The following C7orf25 variants were observed in gnomAD, a reference collection of about 807,000 sequenced individuals.
C7orf25 encodes UPF0415 protein C7orf25.
Under a neutral mutation model 25.5 loss-of-function variants are expected in C7orf25, and 14 were observed. That is an observed-to-expected ratio of 0.55 (90% CI 0.36 to 0.86). The LOEUF (loss-of-function observed/expected upper bound fraction) is 0.86. Among genes scored for constraint, C7orf25 ranks in the 40% least tolerant of loss-of-function variants. The pLI is 0.01. For missense variants in C7orf25, 405 were observed against 493.9 expected, an observed-to-expected ratio of 0.82 and a Z score of 1.71; for synonymous variants, 184 against 179.9, an observed-to-expected ratio of 1.02 and a Z score of -0.18.
At chr7:42,911,330 T>A (rs1785890090) in intron 1 of C7orf25, 1 of 1,134,672 alleles carries the variant, frequency 8.8e-7, no homozygotes, top group South Asian at 1.7e-5. Flanking sequence ...ACACACAGAC[T>A]GGCTAGTTAG....
Position 42,909,935 on chromosome 7 carries a change from C to T in C7orf25, c.966G>A (p.Gly322=). The T allele has an allele frequency of 6.2e-7, 1 of 1,614,178 alleles. No individual in the cohort carries two copies. Among genetic ancestry groups the T allele is most frequent in the Non-Finnish European group, 8.5e-7 (1 of 1,180,030 alleles). ...QSILDTLGGP[G]ERERATVLIK... ...TTAACACAGTGGCCCTCTCTCTCTC[C>T]CCAGGTCCTCCTAAGGTATCTAAAA... is the stretch of plus-strand genomic sequence containing the variant. Residue 322 remains glycine (G), a synonymous_variant, in exon 2 of 2, where the codon GGG becomes GGA. Transcript: ENST00000350427.
In C7orf25 at chr7:42,910,071, G is replaced by C; in HGVS notation, c.830C>G (p.Thr277Arg). The C allele has an allele frequency of 6.2e-7, 1 of 1,614,138 alleles. No homozygotes were observed. Among genetic ancestry groups the C allele is most frequent in the Non-Finnish European group, 8.5e-7 (1 of 1,180,040 alleles). Reference protein sequence around the residue: ...CHFIFKEKVLTEQAEQERKEQ... With the variant: ...CHFIFKEKVLREQAEQERKEQ... ...TTTCCTCTCTTGCTCTGCTTGTTCTGTGAGCACTTTCTCTTTGAAAATAAA... is the reference window on the plus strand; with the variant it reads ...TTTCCTCTCTTGCTCTGCTTGTTCTCTGAGCACTTTCTCTTTGAAAATAAA... The change falls in exon 2 of 2, where the codon ACA becomes AGA. Residue 277 changes from threonine to arginine, a missense_variant. By Grantham distance (71) the Thr-to-Arg change is moderately conservative. Coordinates refer to ENST00000350427, the MANE Select transcript of C7orf25 (RefSeq NM_001099858.2).
rs1034245359 is a variant in C7orf25, at chr7:42,909,651, G to A, written c.1250C>T (p.Thr417Ile). Reference protein sequence around the residue: ...LATPLPKDYTTDSEH With the variant: ...LATPLPKDYTIDSEH ...AGGGTATCTTTAGTGTTCACTGTCA[G>A]TTGTGTAGTCTTTTGGTAAGGGGGT... Residue 417 changes from threonine (T) to isoleucine (I), a missense_variant, in exon 2 of 2, where the codon ACT becomes ATT. Physicochemically the swap from Thr to Ile is moderately conservative, Grantham distance 89. Coordinates refer to ENST00000350427, the MANE Select transcript of C7orf25 (RefSeq NM_001099858.2). 6.2e-7 allele frequency: 1 copy of A among 1,612,520 alleles called. No homozygotes were observed. Among genetic ancestry groups the A allele is most frequent in the African/African-American group, 1.3e-5 (1 of 74,926 alleles).
At chr7:42,910,987 T>C in intron 1 of C7orf25, 66 bp from the exon 2 acceptor site, 2 of 1,599,850 alleles carry the variant, frequency 1.3e-6, no homozygotes, top group Admixed American at 1.7e-5. Flanking sequence ...TCTTCACTGG[T>C]GATTAAAAAC....
At position 42,909,537 on chromosome 7, in the gene C7orf25, T is replaced by C. The variant is rs1785830047; in HGVS notation, c.*98A>G. 1.0e-5 allele frequency: 13 copies of C among 1,303,244 alleles called. No homozygotes were observed. The highest frequency in any genetic ancestry group is 1.2e-5 in the Non-Finnish European group (11 of 951,500). The allele number at this position is 1,303,244 out of a possible 1,614,324, so 80.7% of individuals were successfully genotyped here. On this transcript the variant is annotated 3_prime_UTR_variant, in exon 2 of 2. Coordinates refer to ENST00000350427, the MANE Select transcript of C7orf25 (RefSeq NM_001099858.2). Reference sequence around the variant, plus strand: ...CTACTGGTTTAAGAGTTCTCAGTTTTACTTTTACTATAGACCTTTTTTCCC... The same window carrying C: ...CTACTGGTTTAAGAGTTCTCAGTTTCACTTTTACTATAGACCTTTTTTCCC...
Position 42,909,323 on chromosome 7 carries a change from T to C in C7orf25, c.*312A>G, listed in dbSNP as rs1299776653. 1.6e-5 allele frequency: 4 copies of C among 257,798 alleles called. No individual in the cohort carries two copies. The highest frequency in any genetic ancestry group is 2.9e-5 in the Non-Finnish European group (4 of 136,914). 16.0% of individuals were successfully genotyped at this position (257,798 alleles called of 1,614,324 possible). ...CAAGATGCAATGTAGCCATATTCCA[T>C]GAAATGTGGTTAGCAGTAGGGGAGT... On this transcript the variant is annotated 3_prime_UTR_variant, in exon 2 of 2. Coordinates refer to ENST00000350427, the MANE Select transcript of C7orf25 (RefSeq NM_001099858.2).
chr7:42,911,554 TC>T (rs1295333507), intron 1 of C7orf25: 3 of 1,006,942 alleles, frequency 3.0e-6, no homozygotes, highest in Non-Finnish European at 3.6e-6. Context: ...CCAACTTGCG[TC>T]CCACTCCCAC....
rs773015166 is a variant in C7orf25, at chr7:42,909,994, C to G, written c.907G>C (p.Ala303Pro). The G allele has an allele frequency of 2.5e-6, 4 of 1,614,042 alleles. No homozygotes were observed. The highest frequency in any genetic ancestry group is 3.4e-6 in the Non-Finnish European group (4 of 1,180,044). ...AAGTCCTTGACAGCAGATTCACAAG[C>G]AAACAACTCCTTGTCCTTCATAAAG... is the stretch of plus-strand genomic sequence containing the variant. The part of the protein sequence containing the change: ...EAFMKDKELF[A>P]CESAVKDFQS... The change falls in exon 2 of 2, where the codon GCT (alanine) becomes CCT (proline). Residue 303 changes from alanine to proline, a missense_variant. Transcript: ENST00000350427.
At position 42,910,642 on chromosome 7, in the gene C7orf25, T is replaced by C. The variant is rs750279829; in HGVS notation, c.259A>G (p.Ser87Gly). Residue 87 changes from serine to glycine, a missense_variant, in exon 2 of 2, where the codon AGT (serine) becomes GGT (glycine). Ser to Gly is a moderately conservative substitution (Grantham distance 56). Transcript: ENST00000350427. ...GTATAACCAAAGACATGAAGAACAC[T>C]AACAACTTCTTCCAGGTTTTCTGCT... is the stretch of plus-strand genomic sequence containing the variant. ...ESAENLEEVV[S>G]VLHVFGYTDT... 2 of 1,614,150 alleles carry C rather than the reference T, an allele frequency of 1.2e-6. No homozygotes were observed. The highest frequency in any genetic ancestry group is 2.2e-5 in the East Asian group (1 of 44,882).
chr7:42,912,035 CGCGA>C lies in C7orf25; in HGVS notation c.-146_-143del. On this transcript the variant is annotated 5_prime_UTR_variant, in exon 1 of 2. An upstream open reading frame in the 5' UTR gains an earlier in-frame stop. Coordinates refer to ENST00000350427, the MANE Select transcript of C7orf25 (RefSeq NM_001099858.2). ...TCGAACGCCGAGGCGGCTCCACCCG[CGCGA>C]GCCCCGCCGCCTCGGGCACCTCCTG... 12 of 1,470,750 alleles carry C rather than the reference CGCGA, an allele frequency of 8.2e-6. No individual in the cohort carries two copies. The highest frequency in any genetic ancestry group is 1.1e-5 in the Non-Finnish European group (12 of 1,119,268). 91.1% of individuals were successfully genotyped at this position (1,470,750 alleles called of 1,614,324 possible).
intron 1 of C7orf25, 122 bp from the exon 2 acceptor site, chr7:42,911,043 G>T: frequency 6.7e-7 from 1 of 1,485,774 alleles, no homozygotes; most frequent in Non-Finnish European, 9.1e-7. Flanking sequence ...TATGAACCCG[G>T]GCTTGTGTAT....
In C7orf25 at chr7:42,912,036, G is replaced by T; in HGVS notation, c.-143C>A. 2 of 1,469,960 alleles carry T rather than the reference G, an allele frequency of 1.4e-6. No homozygotes were observed. The highest frequency in any genetic ancestry group is 1.3e-5 in the South Asian group (1 of 76,916). 91.1% of individuals were successfully genotyped at this position (1,469,960 alleles called of 1,614,324 possible). A position where few individuals can be genotyped will look rare whatever the true frequency, so the allele number is the denominator to read the frequency against. On this transcript the variant is annotated 5_prime_UTR_variant, in exon 1 of 2. Coordinates refer to ENST00000350427, the MANE Select transcript of C7orf25 (RefSeq NM_001099858.2). The stretch of plus-strand genomic sequence containing the variant: ...CGAACGCCGAGGCGGCTCCACCCGC[G>T]CGAGCCCCGCCGCCTCGGGCACCTC...
chr7:42,911,757 G>A (rs938706369), intron 1 of C7orf25, 158 bp downstream of exon 1: 4 of 1,229,878 alleles, frequency 3.3e-6, no homozygotes, highest in Admixed American at 4.4e-5. Context: ...AGGGGCCGGG[G>A]CCGAAAAGCC....
rs886758573 is a variant in C7orf25 at position 42,911,998 on chromosome 7, C to T, written c.-105G>A. ...CCGCCGGGAAATCTCAACCGGGCAGCCCCCACCCCGCTCGAACGCCGAGGC... is the reference window on the plus strand; with the variant it reads ...CCGCCGGGAAATCTCAACCGGGCAGTCCCCACCCCGCTCGAACGCCGAGGC... On this transcript the variant is annotated 5_prime_UTR_variant, in exon 1 of 2. Coordinates refer to ENST00000350427, the MANE Select transcript of C7orf25 (RefSeq NM_001099858.2). The T allele has an allele frequency of 1.3e-6, 2 of 1,489,718 alleles. No individual in the cohort carries two copies. Among genetic ancestry groups the T allele is most frequent in the Non-Finnish European group, 1.8e-6 (2 of 1,127,608 alleles). The allele number at this position is 1,489,718 out of a possible 1,614,324, so 92.3% of individuals were successfully genotyped here.
Position 42,910,521 on chromosome 7 carries a change from A to G in C7orf25, c.380T>C (p.Leu127Pro), listed in dbSNP as rs372506710. ...GCCCCTGCCCAGCCAGATGTTATGA[A>G]GAGCTTCAGCCTTCCGGCCAATGGC... is the stretch of plus-strand genomic sequence containing the variant. ...VKAIGRKAEA[L>P]HNIWLGRGQY... Residue 127 changes from leucine (L) to proline (P), a missense_variant, in exon 2 of 2, where the codon CTT becomes CCT. Coordinates refer to ENST00000350427, the MANE Select transcript of C7orf25 (RefSeq NM_001099858.2). 6.2e-7 allele frequency: 1 copy of G among 1,614,124 alleles called. No individual in the cohort carries two copies. The highest frequency in any genetic ancestry group is 8.5e-7 in the Non-Finnish European group (1 of 1,180,052).
At position 42,910,390 on chromosome 7, in the gene C7orf25, T is replaced by A. The variant is rs773607197; in HGVS notation, c.511A>T (p.Asn171Tyr). 1 of 1,614,240 alleles carries A rather than the reference T, an allele frequency of 6.2e-7. No homozygotes were observed. Among genetic ancestry groups the A allele is most frequent in the Non-Finnish European group, 8.5e-7 (1 of 1,180,044 alleles). Residue 171 changes from asparagine to tyrosine, a missense_variant, in exon 2 of 2, where the codon AAC (asparagine) becomes TAC (tyrosine). Physicochemically the swap from Asn to Tyr is moderately radical, Grantham distance 143. Transcript: ENST00000350427. ...SNPHIIFAFYNSVSSPMAEKL... is the reference protein window; with the variant it reads ...SNPHIIFAFYYSVSSPMAEKL... ...TCTGCCATGGGGCTGGAGACACTGT[T>A]GTAAAATGCAAAGATGATGTGAGGG...
At position 42,910,821 on chromosome 7, in the gene C7orf25, G is replaced by C. The variant is rs776384902; in HGVS notation, c.80C>G (p.Ser27Ter). 1 of 1,614,158 alleles carries C rather than the reference G, an allele frequency of 6.2e-7. No individual in the cohort carries two copies. Reference protein sequence around the residue: ...LIKRAESLSRSRKGGIEGGAK... With the variant: ...LIKRAESLSR The stretch of plus-strand genomic sequence containing the variant: ...ACCACCTTCTATGCCACCTTTTCTT[G>C]ATCTAGAAAGTGATTCTGCTCTCTT... Residue 27 changes from serine (S) to a stop codon, truncating the protein, a stop_gained, in exon 2 of 2, where the codon TCA becomes TGA. Transcript: ENST00000350427. LOFTEE classifies it high-confidence loss of function.
Position 42,912,036 on chromosome 7 carries a change from G to A in C7orf25, c.-143C>T, listed in dbSNP as rs532675596. The A allele has an allele frequency of 1.4e-5, 20 of 1,469,844 alleles. No individual in the cohort carries two copies. In the South Asian group the frequency reaches 2.5e-4, roughly 18 times the overall value. 91.1% of individuals were successfully genotyped at this position (1,469,844 alleles called of 1,614,324 possible). A position where few individuals can be genotyped will look rare whatever the true frequency, so the allele number is the denominator to read the frequency against. ...CGAACGCCGAGGCGGCTCCACCCGCGCGAGCCCCGCCGCCTCGGGCACCTC... is the reference window on the plus strand; with the variant it reads ...CGAACGCCGAGGCGGCTCCACCCGCACGAGCCCCGCCGCCTCGGGCACCTC... On this transcript the variant is annotated 5_prime_UTR_variant, in exon 1 of 2. Coordinates refer to ENST00000350427, the MANE Select transcript of C7orf25 (RefSeq NM_001099858.2).
rs142784220 is a variant in C7orf25, at chr7:42,911,024, G to A, written c.-21-103C>T. 37 of 1,569,034 alleles carry A rather than the reference G, an allele frequency of 2.4e-5. No individual in the cohort carries two copies. In the African/African-American group the frequency reaches 3.4e-4, roughly 14 times the overall value. On this transcript the variant is annotated intron_variant, in intron 1 of 1. Transcript: ENST00000350427. The stretch of plus-strand genomic sequence containing the variant: ...TCAATCTAGCAACACAGCTTATGGA[G>A]GGTGAGTCTATGAACCCGGGCTTGT...
Sources: allele counts gnomAD v4.1 joint callset, GRCh38; gene constraint gnomAD v4.1.1; transcripts MANE v1.5; gene names NCBI Gene and HGNC (gene_info 2026-07-23, HGNC 2026-07-21).